ANXA2: variants seen among roughly 807,000 people sequenced by gnomAD.
The protein encoded by ANXA2 is annexin A2, also known as annexin II.
In ANXA2, 28 loss-of-function variants were observed where a neutral mutation model predicts 47.3. The ratio of observed to expected loss-of-function variants is 0.59; its 90% CI spans 0.44 to 0.81. The LOEUF (loss-of-function observed/expected upper bound fraction) is 0.81. ANXA2 is among the 40% of genes least tolerant of loss of function. The pLI, the probability that ANXA2 is intolerant of heterozygous loss-of-function variation, is 0.00. For missense variants in ANXA2, 384 were observed against 414.3 expected (o/e 0.93, Z 0.64); for synonymous variants, 172 against 155.5 (o/e 1.11, Z -0.79).
intron 4 of ANXA2, 89 bp downstream of exon 4, chr15:60,364,340 G>T: frequency 9.7e-7 from 1 of 1,035,624 alleles, no homozygotes; most frequent in Non-Finnish European, 1.5e-6. Context: ...TTTTGCGCAT[G>T]AGAGCCACAA....
chr15:60,382,510 TA>T (rs1396924026), intron 2 of ANXA2, 69 bp from the exon 3 acceptor site: 2 of 1,112,664 alleles, frequency 1.8e-6, no homozygotes, highest in African/African-American at 3.1e-5. Flanking sequence ...TAACAATGCC[TA>T]ATATGTTTTC....
Position 60,354,147 on chromosome 15 carries a change from C to A in ANXA2, c.588+7G>T. On this transcript the variant is annotated splice_region_variant and intron_variant, in intron 8 of 12. Transcript: ENST00000451270. ...CAAAAACTCAAAGCAAAAAGCTCAG[C>A]ACTTACCCGAGCATCTTGGTCAATC... is the stretch of plus-strand genomic sequence containing the variant. The A allele has an allele frequency of 6.2e-7, 1 of 1,613,284 alleles. No individual in the cohort carries two copies. Among genetic ancestry groups the A allele is most frequent in the Non-Finnish European group, 8.5e-7 (1 of 1,179,356 alleles).
At chr15:60,355,011 C>G (rs66868332) in intron 7 of ANXA2, among the ~76,000 whole-genome samples, 31,062 of 152,056 alleles carry the variant, frequency 0.2, 3,393 homozygotes, top group Middle Eastern at 0.33. Context: ...TCAGATGCAG[C>G]TAGCCAAGCA....
intron 1 of ANXA2, among the ~76,000 whole-genome samples, chr15:60,388,299 AC>A (rs1254157199): frequency 1.3e-5 from 2 of 152,224 alleles, no homozygotes; most frequent in East Asian, 3.8e-4. Flanking sequence ...GTCAGTTCAA[AC>A]TGAGATGTGC....
chr15:60,352,426 C>A lies in ANXA2; in HGVS notation c.639G>T (p.Trp213Cys). Residue 213 changes from tryptophan (W) to cysteine (C), a missense_variant, in exon 9 of 13, where the codon TGG becomes TGT. Transcript: ENST00000451270. The surrounding 1 kb of genome is among the most constrained non-coding windows in gnomAD (Gnocchi z 4.2). Reference sequence around the variant, plus strand: ...CGCTCCGCTCGGTCATGATGCTGATCCACTTGGGAACATCAGTTCCTTTCC... The same window carrying A: ...CGCTCCGCTCGGTCATGATGCTGATACACTTGGGAACATCAGTTCCTTTCC... ...VKRKGTDVPK[W>C]ISIMTERSVP... is the part of the protein sequence containing the mutation. 6.2e-7 allele frequency: 1 copy of A among 1,613,832 alleles called. No individual in the cohort carries two copies. The highest frequency in any genetic ancestry group is 8.5e-7 in the Non-Finnish European group (1 of 1,179,824).
At chr15:60,375,492 C>T (rs999371948) in intron 3 of ANXA2, among the ~76,000 whole-genome samples, 1 of 152,164 alleles carries the variant, frequency 6.6e-6, no homozygotes, top group Admixed American at 6.5e-5. Flanking sequence ...TATGGTAAAC[C>T]ATTCACAGCT....
intron 3 of ANXA2, among the ~76,000 whole-genome samples, chr15:60,382,055 A>AG (rs1386184674): frequency 2.7e-4 from 2 of 7,474 alleles, no homozygotes; most frequent in African/African-American, 4.9e-4. Flanking sequence ...AAGGGAGGGG[A>AG]GGGAGGGAGG....
At position 60,382,432 on chromosome 15, in the gene ANXA2, G is replaced by C; in HGVS notation, c.58C>G (p.Pro20Ala). 1 of 1,612,376 alleles carries C rather than the reference G, an allele frequency of 6.2e-7. No homozygotes were observed. The highest frequency in any genetic ancestry group is 8.5e-7 in the Non-Finnish European group (1 of 1,178,568). ...KLSLEGDHST[P>A]PSAYGSVKAY... The stretch of plus-strand genomic sequence containing the variant: ...TTGACAGACCCATATGCACTTGGGG[G>C]TGTAGAGTGCTGAGGTTAAAAGATA... Residue 20 changes from proline to alanine, a missense_variant, in exon 3 of 13, where the codon CCC becomes GCC. Transcript: ENST00000451270.
Position 60,364,503 on chromosome 15 carries a change from C to T in ANXA2, c.169G>A (p.Val57Ile), listed in dbSNP as rs1366284187. 6.2e-7 allele frequency: 1 copy of T among 1,613,138 alleles called. No individual in the cohort carries two copies. Among genetic ancestry groups the T allele is most frequent in the Non-Finnish European group, 8.5e-7 (1 of 1,179,746 alleles). ...TTGCTGCGGTTGGTCAAAATGTTGA[C>T]AATGGTGACCTCATCCACACCTATG... is the stretch of plus-strand genomic sequence containing the variant. Reference protein sequence around the residue: ...KTKGVDEVTIVNILTNRSNAQ... With the variant: ...KTKGVDEVTIINILTNRSNAQ... The change falls in exon 4 of 13, where the codon GTC becomes ATC. Residue 57 changes from valine (V) to isoleucine (I), a missense_variant. Val to Ile is a conservative substitution (Grantham distance 29). Transcript: ENST00000451270.
Position 60,364,447 on chromosome 15 carries a change from G to T in ANXA2, c.225C>A (p.Tyr75Ter). ...NAQRQDIAFA[Y>*]QRRTKKELAS... Reference sequence around the variant, plus strand: ...CCTGTACCTTTTTGGTCCTTCTCTGGTAGGCGAAGGCAATATCCTGTCTCT... The same window carrying T: ...CCTGTACCTTTTTGGTCCTTCTCTGTTAGGCGAAGGCAATATCCTGTCTCT... Residue 75 changes from tyrosine (Y) to a stop codon, truncating the protein, a stop_gained, in exon 4 of 13, where the codon TAC becomes TAA. Transcript: ENST00000451270. LOFTEE classifies it high-confidence loss of function. 6.2e-7 allele frequency: 1 copy of T among 1,611,890 alleles called. No homozygotes were observed. Among genetic ancestry groups the T allele is most frequent in the African/African-American group, 1.3e-5 (1 of 74,904 alleles).
intron 1 of ANXA2, among the ~76,000 whole-genome samples, chr15:60,389,251 C>A (rs1415286838): frequency 6.6e-5 from 10 of 152,180 alleles, no homozygotes; most frequent in African/African-American, 1.4e-4. Context: ...AACCAGGGAA[C>A]TAGCAAGTCA....
chr15:60,360,878 G>C (rs1477837465), intron 5 of ANXA2, 63 bp downstream of exon 5: 1 of 1,062,660 alleles, frequency 9.4e-7, no homozygotes, highest in South Asian at 1.4e-5. Flanking sequence ...ATTACACTCA[G>C]AAAGCTGTAA....
At chr15:60,351,668 G>T in intron 10 of ANXA2, 56 bp downstream of exon 10, 3 of 1,159,088 alleles carry the variant, frequency 2.6e-6, no homozygotes, top group Non-Finnish European at 3.9e-6. Context: ...ATGGCCATCT[G>T]TCACTTCTGC....
At chr15:60,382,154 GAAAA>G (rs2062870259) in intron 3 of ANXA2, among the ~76,000 whole-genome samples, 184 bp downstream of exon 3, 1 of 151,542 alleles carries the variant, frequency 6.6e-6, no homozygotes, top group Admixed American at 6.6e-5. Context: ...AGGAGAAAAG[GAAAA>G]AGAAAGAAAG....
At chr15:60,349,743 A>AG (rs1301739195) in intron 11 of ANXA2, among the ~76,000 whole-genome samples, 10 of 149,724 alleles carry the variant, frequency 6.7e-5, no homozygotes, top group African/African-American at 2.5e-4. Context: ...AGAGAGAGAG[A>AG]AAGAAAGAGA....
chr15:60,357,776 A>G (rs1024533963), intron 5 of ANXA2, among the ~76,000 whole-genome samples: 9 of 151,984 alleles, frequency 5.9e-5, no homozygotes, highest in African/African-American at 1.9e-4. Context: ...CCTGGACGAC[A>G]GAGTAAGACC....
At position 60,382,415 on chromosome 15, in the gene ANXA2, C is replaced by G. The variant is rs1477669477; in HGVS notation, c.75G>C (p.Gly25=). ...CAAAGTTAGTATAGGCTTTGACAGA[C>G]CCATATGCACTTGGGGGTGTAGAGT... is the stretch of plus-strand genomic sequence containing the variant. ...GDHSTPPSAY[G]SVKAYTNFDA... The change falls in exon 3 of 13, where the codon GGG becomes GGC. Residue 25 remains glycine (G), a synonymous_variant. Coordinates refer to ENST00000451270, the MANE Select transcript of ANXA2 (RefSeq NM_004039.3). 1.2e-6 allele frequency: 2 copies of G among 1,613,726 alleles called. No individual in the cohort carries two copies. The highest frequency in any genetic ancestry group is 8.5e-7 in the Non-Finnish European group (1 of 1,179,720).
intron 1 of ANXA2, among the ~76,000 whole-genome samples, chr15:60,388,735 C>CTTT (rs1162065382): frequency 2.2e-5 from 3 of 134,008 alleles, no homozygotes; most frequent in Non-Finnish European, 4.8e-5. Flanking sequence ...ACACCTAGAC[C>CTTT]TTTTTTTTTT....
At chr15:60,388,089 G>A (rs2062957723) in intron 1 of ANXA2, among the ~76,000 whole-genome samples, 1 of 151,900 alleles carries the variant, frequency 6.6e-6, no homozygotes, top group South Asian at 2.1e-4. Flanking sequence ...TCGGGAGGCT[G>A]AGACAGGAGA....
Sources: gnomAD v4.1 joint callset for allele counts (sites outside exome capture counted in the v4.1 genomes callset) on GRCh38, gnomAD v4.1.1 for gene constraint, Gnocchi (gnomAD v3.1) non-coding constraint, MANE v1.5 for transcripts, NCBI Gene and HGNC (gene_info 2026-07-23, HGNC 2026-07-21) for gene names.